Variants in OSBPL11 observed in about 807,000 individuals in gnomAD.
The protein encoded by OSBPL11 is oxysterol-binding protein-related protein 11.
A neutral mutation model predicts 84.4 loss-of-function variants in OSBPL11; 33 were observed. The ratio of observed to expected loss-of-function variants is 0.39; its 90% CI spans 0.30 to 0.52. The LOEUF (loss-of-function observed/expected upper bound fraction) is 0.52, where lower values mean the gene tolerates loss of function less well. Among genes scored for constraint, OSBPL11 ranks in the 20% least tolerant of loss-of-function variants. OSBPL11 has a pLI of 0.72. For synonymous variants in OSBPL11, 276 were observed against 310.2 expected (o/e 0.89, Z 1.16); for missense variants, 736 against 901.1 (o/e 0.82, Z 2.35).
chr3:125,552,141 G>T, intron 9 of OSBPL11, 40 bp downstream of exon 9: 1 of 871,916 alleles, frequency 1.1e-6, no homozygotes, highest in Non-Finnish European at 1.6e-6. Context: ...ATGTGTGTGT[G>T]TATATATATA....
intron 10 of OSBPL11, among the ~76,000 whole-genome samples, chr3:125,543,512 T>C (rs1935765977): frequency 6.6e-6 from 1 of 152,170 alleles, no homozygotes; most frequent in African/African-American, 2.4e-5. Flanking sequence ...CCATCAATAG[T>C]AGACAAGAAG....
At chr3:125,539,678 A>G (rs557670516) in intron 10 of OSBPL11, among the ~76,000 whole-genome samples, 2 of 152,042 alleles carry the variant, frequency 1.3e-5, no homozygotes, top group South Asian at 2.1e-4. Context: ...TTGAACTCCA[A>G]CCTCAGGTGA....
At chr3:125,576,537 T>C (rs1316641675) in intron 4 of OSBPL11, among the ~76,000 whole-genome samples, 172 bp from the exon 5 acceptor site, 1 of 152,238 alleles carries the variant, frequency 6.6e-6, no homozygotes, top group East Asian at 1.9e-4. Context: ...ACTCAAAGTT[T>C]AAGCATTTTA....
At chr3:125,579,764 C>T in intron 3 of OSBPL11, 101 bp downstream of exon 3, 3 of 993,890 alleles carry the variant, frequency 3.0e-6, no homozygotes, top group South Asian at 1.4e-5. Context: ...TCACTGATGA[C>T]AGCAGTTTCT....
At chr3:125,589,875 A>T (rs984429934) in intron 1 of OSBPL11, among the ~76,000 whole-genome samples, 2 of 152,204 alleles carry the variant, frequency 1.3e-5, no homozygotes, top group Non-Finnish European at 2.9e-5. Context: ...GCTGTTTGCT[A>T]ATGAGGAAAA....
chr3:125,534,654 T>C (rs1240502343), intron 11 of OSBPL11, among the ~76,000 whole-genome samples: 4 of 147,474 alleles, frequency 2.7e-5, no homozygotes, highest in Non-Finnish European at 4.5e-5. Context: ...AGTCATCAGA[T>C]AGAAATAAAG....
chr3:125,542,802 G>A (rs1277231003), intron 10 of OSBPL11, among the ~76,000 whole-genome samples: 1 of 152,028 alleles, frequency 6.6e-6, no homozygotes, highest in Non-Finnish European at 1.5e-5. Context: ...GAGCCACCAC[G>A]CCCAGCCTAA....
rs1417940078 is a variant in OSBPL11, at chr3:125,567,610, G to C, written c.667-15C>G. 1.3e-6 allele frequency: 2 copies of C among 1,595,912 alleles called. No homozygotes were observed. Among genetic ancestry groups the C allele is most frequent in the Admixed American group, 3.3e-5 (2 of 59,908 alleles). On this transcript the variant is annotated splice_polypyrimidine_tract_variant and intron_variant, in intron 5 of 12. Transcript: ENST00000296220. ...TGAGACATCATCTAAGGAAAAAACA[G>C]TTCTGTGGGTCCTACTCATGATTTC...
intron 9 of OSBPL11, among the ~76,000 whole-genome samples, chr3:125,550,423 A>AGAGAG (rs1935886529): frequency 2.2e-5 from 3 of 138,016 alleles, no homozygotes; most frequent in African/African-American, 8.0e-5. Context: ...CAAAAAAAAA[A>AGAGAG]AAAGAGAGTA....
At chr3:125,551,867 A>G (rs1355937033) in intron 9 of OSBPL11, among the ~76,000 whole-genome samples, 1 of 151,918 alleles carries the variant, frequency 6.6e-6, no homozygotes, top group Non-Finnish European at 1.5e-5. Flanking sequence ...TCATAGATAT[A>G]CTCCTCCCAT....
In OSBPL11 at chr3:125,562,093, A is replaced by G. The variant is rs568371775; in HGVS notation, c.1015-1574T>C. ...CAAATCCTGTCTCCTTTCAAAGCCCAATTCCAATCCCACTTTCTCCCCAAA... is the reference window on the plus strand; with the variant it reads ...CAAATCCTGTCTCCTTTCAAAGCCCGATTCCAATCCCACTTTCTCCCCAAA... On this transcript the variant is annotated intron_variant, in intron 7 of 12. Transcript: ENST00000296220. Among the ~76,000 whole-genome samples the G allele has an allele frequency of 5.0e-4, 76 of 152,240 alleles. 4 individuals are homozygous for G. In the South Asian group the frequency reaches 5.8e-3, roughly 12 times the overall value.
In OSBPL11 at chr3:125,569,228, C is replaced by T. The variant is rs149865961; in HGVS notation, c.667-1633G>A. ...CCTCCCAAAGTGCTGGGATTACAGG[C>T]GTGAGTCACTGAGCCCAGCCCAGGT... On this transcript the variant is annotated intron_variant, in intron 5 of 12. Coordinates refer to ENST00000296220, the MANE Select transcript of OSBPL11 (RefSeq NM_022776.5). Among the ~76,000 whole-genome samples, 28 of 152,004 alleles carry T rather than the reference C, an allele frequency of 1.8e-4. No individual in the cohort carries two copies. The East Asian group carries it at 5.2e-3, about 28-fold the overall frequency.
At chr3:125,567,250 A>C (rs1306222902) in intron 6 of OSBPL11, 144 bp downstream of exon 6, 2 of 679,390 alleles carry the variant, frequency 2.9e-6, no homozygotes, top group African/African-American at 3.6e-5. Context: ...GTATAACATC[A>C]GCATGATAAT....
At chr3:125,572,269 C>T (rs1454564720) in intron 5 of OSBPL11, among the ~76,000 whole-genome samples, 11 of 152,206 alleles carry the variant, frequency 7.2e-5, no homozygotes, top group Non-Finnish European at 1.5e-4. Context: ...AAGTAGCTAA[C>T]TTGCTTTTTA....
At position 125,595,057 on chromosome 3, in the gene OSBPL11, G is replaced by T; in HGVS notation, c.-257C>A. On this transcript the variant is annotated 5_prime_UTR_variant, in exon 1 of 13. Coordinates refer to ENST00000296220, the MANE Select transcript of OSBPL11 (RefSeq NM_022776.5). ...TCTCTCTCCTTTCCGGCAAAAGCAAGGAGGAAAAAGCATCCGGCGAGAAGA... is the reference window on the plus strand; with the variant it reads ...TCTCTCTCCTTTCCGGCAAAAGCAATGAGGAAAAAGCATCCGGCGAGAAGA... 1 of 408,614 alleles carries T rather than the reference G, an allele frequency of 2.4e-6. No homozygotes were observed. Among genetic ancestry groups the T allele is most frequent in the Non-Finnish European group, 4.4e-6 (1 of 225,082 alleles). 25.3% of individuals were successfully genotyped at this position (408,614 alleles called of 1,614,324 possible).
chr3:125,558,619 T>A (rs564406227), intron 8 of OSBPL11, among the ~76,000 whole-genome samples: 2 of 152,322 alleles, frequency 1.3e-5, no homozygotes, highest in African/African-American at 4.8e-5. Context: ...CATACTAATG[T>A]AAAATTGTTT....
chr3:125,537,502 C>T (rs976550273), intron 11 of OSBPL11, among the ~76,000 whole-genome samples: 1 of 152,222 alleles, frequency 6.6e-6, no homozygotes, highest in Non-Finnish European at 1.5e-5. Context: ...TTGAGACCCT[C>T]TCCTTAGGAT....
chr3:125,573,204 C>T (rs1166419321), intron 5 of OSBPL11, among the ~76,000 whole-genome samples: 1 of 151,426 alleles, frequency 6.6e-6, no homozygotes, highest in Non-Finnish European at 1.5e-5. Flanking sequence ...AAACCAGTTC[C>T]TTTTAAAAAA....
chr3:125,592,103 C>T (rs1470465503), intron 1 of OSBPL11, among the ~76,000 whole-genome samples: 1 of 152,182 alleles, frequency 6.6e-6, no homozygotes, highest in Non-Finnish European at 1.5e-5. Flanking sequence ...CTCTGTCACC[C>T]AGGCTTGAGT....
Sources: allele counts gnomAD v4.1 joint callset (sites outside exome capture counted in the v4.1 genomes callset), GRCh38; gene constraint gnomAD v4.1.1; transcripts MANE v1.5; gene names NCBI Gene and HGNC (gene_info 2026-07-23, HGNC 2026-07-21).